CFAP61: variants seen among roughly 807,000 people sequenced by gnomAD.
CFAP61 encodes the protein cilia- and flagella-associated protein 61.
In CFAP61, 107 loss-of-function variants were observed where a neutral mutation model predicts 135.6. The ratio of observed to expected loss-of-function variants is 0.79; its 90% CI spans 0.67 to 0.93. CFAP61 has a LOEUF of 0.93. Among genes scored for constraint, CFAP61 ranks in the 40% least tolerant of loss-of-function variants. CFAP61 has a pLI of 0.00. For synonymous variants in CFAP61, 575 were observed against 578.5 expected (o/e 0.99, Z 0.09); for missense variants, 1,507 against 1,556.2 (o/e 0.97, Z 0.53).
At chr20:20,079,622 T>G (rs2046297047) in intron 6 of CFAP61, among the ~76,000 whole-genome samples, 1 of 152,168 alleles carries the variant, frequency 6.6e-6, no homozygotes, top group South Asian at 2.1e-4. Flanking sequence ...GGGCAGCATG[T>G]CTCTTAACGA....
intron 8 of CFAP61, among the ~76,000 whole-genome samples, chr20:20,136,328 C>T (rs2050920915): frequency 6.6e-6 from 1 of 152,126 alleles, no homozygotes; most frequent in African/African-American, 2.4e-5. Flanking sequence ...ACTTGTATCC[C>T]TATCTCTTTC....
chr20:20,317,387 T>G (rs994688942), intron 25 of CFAP61, among the ~76,000 whole-genome samples: 4 of 152,106 alleles, frequency 2.6e-5, no homozygotes, highest in African/African-American at 7.2e-5. Flanking sequence ...GCCCCAAACG[T>G]CTTCAACCTG....
chr20:20,127,097 T>C (rs544480688), intron 8 of CFAP61, among the ~76,000 whole-genome samples: 7 of 151,706 alleles, frequency 4.6e-5, no homozygotes, highest in Non-Finnish European at 1.0e-4. Flanking sequence ...GTTATCTATT[T>C]CCTTGAATAT....
At chr20:20,358,327 C>G (rs76165062) in intron 26 of CFAP61, among the ~76,000 whole-genome samples, 6,898 of 152,152 alleles carry the variant, frequency 0.045, 296 homozygotes, top group East Asian at 0.2. Context: ...GGTCATCCTT[C>G]AAGAGGCAAG....
intron 8 of CFAP61, among the ~76,000 whole-genome samples, chr20:20,116,431 C>T (rs1333228827): frequency 6.6e-6 from 1 of 152,068 alleles, no homozygotes; most frequent in Non-Finnish European, 1.5e-5. Context: ...CTTTTTAACT[C>T]GACGTAATGC....
chr20:20,222,623 G>A (rs1443832874), intron 17 of CFAP61, among the ~76,000 whole-genome samples: 3 of 152,108 alleles, frequency 2.0e-5, no homozygotes, highest in Non-Finnish European at 2.9e-5. Flanking sequence ...TATGCTCTGC[G>A]GGACAGAGGT....
At chr20:20,070,446 T>C (rs1278578473) in intron 2 of CFAP61, among the ~76,000 whole-genome samples, 2 of 152,158 alleles carry the variant, frequency 1.3e-5, no homozygotes, top group Non-Finnish European at 2.9e-5. Context: ...ATGAAAGTCC[T>C]ATATCTTGGG....
At chr20:20,086,775 C>T (rs569374061) in intron 6 of CFAP61, among the ~76,000 whole-genome samples, 4 of 152,272 alleles carry the variant, frequency 2.6e-5, no homozygotes, top group East Asian at 3.9e-4. Flanking sequence ...GAGCATTTTC[C>T]GTGGTTGGGA....
At chr20:20,195,618 G>A (rs2056228434) in intron 15 of CFAP61, among the ~76,000 whole-genome samples, 1 of 152,170 alleles carries the variant, frequency 6.6e-6, no homozygotes, top group Admixed American at 6.5e-5. Flanking sequence ...AACGAGCAGT[G>A]TGCCTGATAT....
At chr20:20,340,636 G>A (rs923209103) in intron 25 of CFAP61, among the ~76,000 whole-genome samples, 1 of 152,132 alleles carries the variant, frequency 6.6e-6, no homozygotes, top group African/African-American at 2.4e-5. Flanking sequence ...AGGCAGCACT[G>A]GAAATGAGGA....
rs371975857 is a variant in CFAP61 at position 20,288,722 on chromosome 20, C to T, written c.2910C>T (p.Asn970=). Residue 970 remains asparagine (N), a synonymous_variant, in exon 23 of 27, where the codon AAC becomes AAT. Coordinates refer to ENST00000245957, the MANE Select transcript of CFAP61 (RefSeq NM_015585.4). ...TGATTGATACCAACTTCCACACCAACGACATAGCCATCAGAGCTGCTGGCT... is the reference window on the plus strand; with the variant it reads ...TGATTGATACCAACTTCCACACCAATGACATAGCCATCAGAGCTGCTGGCT... ...RLVIDTNFHT[N]DIAIRAAGSL... is the part of the protein sequence containing the mutation. The T allele has an allele frequency of 9.0e-5, 145 of 1,614,070 alleles. No homozygotes were observed. The highest frequency in any genetic ancestry group is 1.6e-4 in the Middle Eastern group (1 of 6,062).
intron 20 of CFAP61, among the ~76,000 whole-genome samples, chr20:20,260,865 A>G (rs2052124711): frequency 6.6e-6 from 1 of 152,190 alleles, no homozygotes; most frequent in Non-Finnish European, 1.5e-5. Context: ...TTATGCTACA[A>G]TGCTCCTTGT....
intron 2 of CFAP61, among the ~76,000 whole-genome samples, chr20:20,064,137 A>G (rs568619733): frequency 1.3e-5 from 2 of 151,406 alleles, no homozygotes; most frequent in South Asian, 2.1e-4. Context: ...GTCAGAACAC[A>G]TTTTTGTTCA....
intron 25 of CFAP61, among the ~76,000 whole-genome samples, chr20:20,301,089 A>G (rs1371657241): frequency 1.3e-5 from 2 of 152,170 alleles, no homozygotes; most frequent in Non-Finnish European, 2.9e-5. Flanking sequence ...TATCTTCGGT[A>G]TTGTATGATA....
At chr20:20,068,107 C>T (rs766004783) in intron 2 of CFAP61, among the ~76,000 whole-genome samples, 5 of 152,102 alleles carry the variant, frequency 3.3e-5, no homozygotes, top group Non-Finnish European at 7.4e-5. Flanking sequence ...CCTGAGGTTC[C>T]CATGGATAAA....
intron 2 of CFAP61, chr20:20,069,776 A>G (rs1354175108): frequency 2.2e-6 from 1 of 456,042 alleles, no homozygotes; most frequent in African/African-American, 2.0e-5. Context: ...CTGACAGTGT[A>G]TTCCTTCTGT....
At chr20:20,101,432 C>T (rs1374917841) in intron 8 of CFAP61, among the ~76,000 whole-genome samples, 1 of 152,050 alleles carries the variant, frequency 6.6e-6, no homozygotes, top group Non-Finnish European at 1.5e-5. Context: ...CTTGCTAAAG[C>T]TCATCCAAGC....
At chr20:20,299,112 G>A (rs2055868367) in intron 25 of CFAP61, among the ~76,000 whole-genome samples, 2 of 152,142 alleles carry the variant, frequency 1.3e-5, no homozygotes, top group African/African-American at 4.8e-5. Flanking sequence ...ACCCACAGAA[G>A]CAACTGCCAG....
chr20:20,292,634 A>T (rs899520958), intron 24 of CFAP61, among the ~76,000 whole-genome samples: 4 of 152,164 alleles, frequency 2.6e-5, no homozygotes, highest in African/African-American at 9.7e-5. Context: ...ACTAAATCCG[A>T]AAGCTTGTTA....
Sources: gnomAD v4.1 joint callset for allele counts (sites outside exome capture counted in the v4.1 genomes callset) on GRCh38, gnomAD v4.1.1 for gene constraint, MANE v1.5 for transcripts, NCBI Gene and HGNC (gene_info 2026-07-23, HGNC 2026-07-21) for gene names.